Variants in HIVEP2 observed in about 807,000 individuals in gnomAD.
HIVEP2 encodes the protein HIVEP zinc finger 2, also known as transcription factor HIVEP2.
HIVEP2 carries 14 observed loss-of-function variants against 180.7 expected under a neutral mutation model. The observed-to-expected ratio is 0.08, with a 90% confidence interval of 0.05 to 0.12. The LOEUF is 0.12. Among genes scored for constraint, HIVEP2 ranks in the 10% least tolerant of loss-of-function variants. HIVEP2 has a pLI of 1.00. For synonymous variants in HIVEP2, 1,184 were observed against 1,136.4 expected, an observed-to-expected ratio of 1.04 and a Z score of -0.84; for missense variants, 2,579 against 3,008.5, an observed-to-expected ratio of 0.86 and a Z score of 3.34.
intron 1 of HIVEP2, among the ~76,000 whole-genome samples, chr6:142,861,051 C>T (rs1484572307): frequency 1.3e-5 from 2 of 152,146 alleles, no homozygotes; most frequent in Admixed American, 6.5e-5. Flanking sequence ...AGACAGTATA[C>T]GAACATGCAT....
chr6:142,810,761 C>CAAAAAAAAAAAAAAAACAAAAAA (rs1776674473), intron 2 of HIVEP2, among the ~76,000 whole-genome samples: 1 of 100,754 alleles, frequency 9.9e-6, no homozygotes. Flanking sequence ...GACTCTGTCT[C>CAAAAAAAAAAAAAAAACAAAAAA]AAAAAAAAAA....
In HIVEP2 at chr6:142,771,689, G is replaced by A; in HGVS notation, c.3050C>T (p.Ser1017Phe). The A allele has an allele frequency of 6.2e-7, 1 of 1,614,180 alleles. No individual in the cohort carries two copies. Among genetic ancestry groups the A allele is most frequent in the Non-Finnish European group, 8.5e-7 (1 of 1,180,030 alleles). ...TTTCTGGTGGTGATGGCCTGGGACA[G>A]ACAATGAGTATGAACCAGCAGGGAC... Reference protein sequence around the residue: ...LTVPAGSYSLSVPGHHHQKEM... With the variant: ...LTVPAGSYSLFVPGHHHQKEM... The change falls in exon 5 of 10, where the codon TCT becomes TTT. Residue 1017 changes from serine to phenylalanine, a missense_variant. Transcript: ENST00000367603. This position sits in a 1 kb window ranked among gnomAD's most constrained non-coding sequence, Gnocchi z 5.4.
At chr6:142,933,505 A>G (rs1777985969) in intron 1 of HIVEP2, among the ~76,000 whole-genome samples, 1 of 152,236 alleles carries the variant, frequency 6.6e-6, no homozygotes. Context: ...ACAGCCGACA[A>G]GAATATAGGA....
rs193159857 is a variant in HIVEP2, at chr6:142,873,487, G to A, written c.-640-36440C>T. 7.9e-5 allele frequency among the ~76,000 whole-genome samples: 12 copies of A among 152,238 alleles called. No homozygotes were observed. In the East Asian group the frequency reaches 1.5e-3, roughly 20 times the overall value. Reference sequence around the variant, plus strand: ...TGATTTACCACAGGCTTACATATACGAAGTGTCTTTTATGTTATTAAAACT... The same window carrying A: ...TGATTTACCACAGGCTTACATATACAAAGTGTCTTTTATGTTATTAAAACT... On this transcript the variant is annotated intron_variant, in intron 1 of 9. Coordinates refer to ENST00000367603, the MANE Select transcript of HIVEP2 (RefSeq NM_006734.4).
At chr6:142,826,152 C>T (rs1265722576) in intron 2 of HIVEP2, among the ~76,000 whole-genome samples, 3 of 152,112 alleles carry the variant, frequency 2.0e-5, no homozygotes, top group Non-Finnish European at 4.4e-5. Context: ...TGAAAAGTAT[C>T]TAAGCTCGTT....
intron 2 of HIVEP2, among the ~76,000 whole-genome samples, chr6:142,784,950 C>T (rs62430683): frequency 1.3e-3 from 191 of 152,094 alleles, no homozygotes; most frequent in Non-Finnish European, 2.1e-3. Flanking sequence ...TGCAGTGGCG[C>T]GATCTCGGCT....
chr6:142,877,969 T>C (rs1284143975), intron 1 of HIVEP2, among the ~76,000 whole-genome samples: 1 of 152,146 alleles, frequency 6.6e-6, no homozygotes, highest in Admixed American at 6.6e-5. Flanking sequence ...TGTGTGTTTC[T>C]GTGTGTGTGT....
At position 142,863,171 on chromosome 6, in the gene HIVEP2, G is replaced by C. The variant is rs187252773; in HGVS notation, c.-640-26124C>G. ...CAATATATAAAAAAGGCAAGAACAG[G>C]TTCTGTTGCATTTTTTTTAATAAAT... On this transcript the variant is annotated intron_variant, in intron 1 of 9. Coordinates refer to ENST00000367603, the MANE Select transcript of HIVEP2 (RefSeq NM_006734.4). 3.8e-3 allele frequency among the ~76,000 whole-genome samples: 570 copies of C among 148,592 alleles called. 3 individuals carry two copies. Among genetic ancestry groups the C allele is most frequent in the African/African-American group, 0.013 (533 of 40,596 alleles).
intron 1 of HIVEP2, among the ~76,000 whole-genome samples, chr6:142,928,155 T>C (rs563708720): frequency 6.6e-6 from 1 of 152,270 alleles, no homozygotes; most frequent in East Asian, 1.9e-4. Context: ...ACTTCGATAG[T>C]GGAGGAGGCT....
rs994493921 is a variant in HIVEP2, at chr6:142,753,244, T to A, written c.7204A>T (p.Thr2402Ser). ...GEKDNFGTSQ[T>S]PLAHSTFYSK... The stretch of plus-strand genomic sequence containing the variant: ...TAAAACGTGGAGTGAGCTAATGGAG[T>A]CTGTGATGTACCAAAATTGTCCTTT... The change falls in exon 10 of 10, where the codon ACT (threonine) becomes TCT (serine). Residue 2402 changes from threonine to serine, a missense_variant. Transcript: ENST00000367603. 1.2e-6 allele frequency: 2 copies of A among 1,614,000 alleles called. No homozygotes were observed. Among genetic ancestry groups the A allele is most frequent in the Non-Finnish European group, 1.7e-6 (2 of 1,179,992 alleles).
At chr6:142,866,552 A>T (rs1186421142) in intron 1 of HIVEP2, among the ~76,000 whole-genome samples, 3 of 152,104 alleles carry the variant, frequency 2.0e-5, no homozygotes, top group African/African-American at 7.2e-5. Context: ...ATGTAGATCC[A>T]TGTCAAAGTG....
intron 1 of HIVEP2, among the ~76,000 whole-genome samples, chr6:142,923,719 T>C (rs1304737770): frequency 1.3e-5 from 2 of 152,164 alleles, no homozygotes; most frequent in African/African-American, 2.4e-5. Context: ...CTTGGAGCCC[T>C]GTACAAATGC....
chr6:142,774,749 A>C lies in HIVEP2; in HGVS notation c.-11T>G, dbSNP rs771533942. On this transcript the variant is annotated 5_prime_UTR_variant, in exon 5 of 10. Coordinates refer to ENST00000367603, the MANE Select transcript of HIVEP2 (RefSeq NM_006734.4). The surrounding 1 kb of genome is among the most constrained non-coding windows in gnomAD (Gnocchi z 5.1). ...GTCCCCAGTGTCCATTTTGTTACAC[A>C]AGGTCTTAAGTGCTAGTTCCCCTGA... is the stretch of plus-strand genomic sequence containing the variant. 3.1e-6 allele frequency: 5 copies of C among 1,611,908 alleles called. No individual in the cohort carries two copies. The highest frequency in any genetic ancestry group is 3.3e-5 in the Admixed American group (2 of 59,892).
chr6:142,822,996 C>T (rs985442239), intron 2 of HIVEP2, among the ~76,000 whole-genome samples: 2 of 152,184 alleles, frequency 1.3e-5, no homozygotes, highest in Admixed American at 6.5e-5. Context: ...TAAAAAGTCC[C>T]AACTAAGTAT....
At position 142,796,429 on chromosome 6, in the gene HIVEP2, T is replaced by C. The variant is rs577238929; in HGVS notation, c.-527-12814A>G. On this transcript the variant is annotated intron_variant, in intron 2 of 9. Transcript: ENST00000367603. ...GGATGAACACATATTTTGTATGTTG[T>C]CTGTATTATATACTGTATTCCTACA... Among the ~76,000 whole-genome samples the C allele has an allele frequency of 3.3e-5, 5 of 152,320 alleles. No individual in the cohort carries two copies. The East Asian group carries it at 7.7e-4, about 23-fold the overall frequency.
chr6:142,812,558 T>C (rs969897164), intron 2 of HIVEP2, among the ~76,000 whole-genome samples: 10 of 152,312 alleles, frequency 6.6e-5, no homozygotes, highest in Middle Eastern at 3.4e-3. Flanking sequence ...AAGTTTCTAG[T>C]AGCCAATAAG....
intron 1 of HIVEP2, among the ~76,000 whole-genome samples, chr6:142,900,455 G>A (rs953502940): frequency 2.0e-5 from 3 of 152,150 alleles, no homozygotes; most frequent in African/African-American, 4.8e-5. Flanking sequence ...ATGACCTACC[G>A]AAAGTACTCC....
chr6:142,770,139 T>A lies in HIVEP2; in HGVS notation c.4600A>T (p.Arg1534Trp), dbSNP rs778402669. 6.2e-7 allele frequency: 1 copy of A among 1,614,204 alleles called. No homozygotes were observed. The highest frequency in any genetic ancestry group is 8.5e-7 in the Non-Finnish European group (1 of 1,180,026). ...TCCTTGCTGGGCAGGAATGGCTCCC[T>A]GGAAGACGGGCTAACAGAAGGATAG... ...QDYPSVSPSS[R>W]EPFLPSKEML... Residue 1534 changes from arginine to tryptophan, a missense_variant, in exon 5 of 10, where the codon AGG becomes TGG. Around this residue, in one of 11 missense-constraint regions of HIVEP2, gnomAD observed 349 missense variants for 367.2 expected, o/e 0.95. Coordinates refer to ENST00000367603, the MANE Select transcript of HIVEP2 (RefSeq NM_006734.4). The surrounding 1 kb of genome is among the most constrained non-coding windows in gnomAD (Gnocchi z 4.7).
At chr6:142,882,924 T>C (rs1776608581) in intron 1 of HIVEP2, among the ~76,000 whole-genome samples, 1 of 152,108 alleles carries the variant, frequency 6.6e-6, no homozygotes, top group Non-Finnish European at 1.5e-5. Flanking sequence ...GGAAACTCCA[T>C]CACCTGCACT....
Sources: allele counts gnomAD v4.1 joint callset (sites outside exome capture counted in the v4.1 genomes callset), GRCh38; gene constraint gnomAD v4.1.1; regional missense constraint gnomAD v4.1.1; non-coding constraint Gnocchi (gnomAD v3.1); transcripts MANE v1.5; gene names NCBI Gene and HGNC (gene_info 2026-07-23, HGNC 2026-07-21).